HHLA2: variants seen among roughly 807,000 people sequenced by gnomAD.
HHLA2 encodes HHLA2 member of B7 family.
In HHLA2, 48 loss-of-function variants were observed where a neutral mutation model predicts 45.9. The observed-to-expected ratio is 1.05, with a 90% CI of 0.83 to 1.33. The LOEUF (loss-of-function observed/expected upper bound fraction) is 1.33. HHLA2 is among the 40% of genes most tolerant of loss of function. The pLI is 0.00. For missense variants in HHLA2, 462 were observed against 494.3 expected, an observed-to-expected ratio of 0.93 and a Z score of 0.62; for synonymous variants, 161 against 173.9, an observed-to-expected ratio of 0.93 and a Z score of 0.59.
At chr3:108,372,315 A>G (rs1363563783) in intron 8 of HHLA2, among the ~76,000 whole-genome samples, 4 of 151,264 alleles carry the variant, frequency 2.6e-5, no homozygotes, top group African/African-American at 7.3e-5. Flanking sequence ...TCTCTGGGAC[A>G]CATTCAAAGC....
chr3:108,345,943 T>C (rs2081654297), intron 3 of HHLA2, among the ~76,000 whole-genome samples: 1 of 152,190 alleles, frequency 6.6e-6, no homozygotes, highest in East Asian at 1.9e-4. Context: ...TGTGGTTCTG[T>C]GGAGCATGTC....
intron 5 of HHLA2, among the ~76,000 whole-genome samples, 187 bp from the exon 5 acceptor site, chr3:108,354,928 C>G (rs2081856954): frequency 6.6e-6 from 1 of 152,102 alleles, no homozygotes; most frequent in African/African-American, 2.4e-5. Flanking sequence ...TCTAGATAAC[C>G]ACACTATATC....
At chr3:108,298,268 C>T (rs753597508) in intron 1 of HHLA2, among the ~76,000 whole-genome samples, 67 of 152,134 alleles carry the variant, frequency 4.4e-4, no homozygotes, top group Non-Finnish European at 8.1e-4. Flanking sequence ...CCTGACTCTC[C>T]TAGAAAAGAA....
chr3:108,323,222 C>T lies in HHLA2; in HGVS notation c.-104-5048C>T, dbSNP rs569838182. Reference sequence around the variant, plus strand: ...CCTACTATTTGGTAACACAACAGGGCGGCTATAGTCAATAACTTAATTGTA... The same window carrying T: ...CCTACTATTTGGTAACACAACAGGGTGGCTATAGTCAATAACTTAATTGTA... On this transcript the variant is annotated intron_variant, in intron 2 of 10. Transcript: ENST00000619531. 4.6e-5 allele frequency among the ~76,000 whole-genome samples: 7 copies of T among 152,066 alleles called. No homozygotes were observed. In the East Asian group the frequency reaches 7.7e-4, roughly 17 times the overall value.
intron 7 of HHLA2, among the ~76,000 whole-genome samples, chr3:108,362,043 C>T (rs1228355781): frequency 6.6e-6 from 1 of 152,176 alleles, no homozygotes; most frequent in Non-Finnish European, 1.5e-5. Flanking sequence ...AGCTCCCCCA[C>T]CTCCACCAAT....
intron 1 of HHLA2, among the ~76,000 whole-genome samples, chr3:108,300,047 A>G (rs2080824877): frequency 6.6e-6 from 1 of 152,132 alleles, no homozygotes; most frequent in Non-Finnish European, 1.5e-5. Flanking sequence ...GTTCCATCTG[A>G]GGAGGGAAAG....
intron 8 of HHLA2, among the ~76,000 whole-genome samples, chr3:108,368,873 C>T (rs1056735180): frequency 6.6e-5 from 10 of 152,108 alleles, no homozygotes; most frequent in Non-Finnish European, 8.8e-5. Flanking sequence ...CTGGACTAAG[C>T]GGACCTAATG....
intron 2 of HHLA2, among the ~76,000 whole-genome samples, chr3:108,311,309 A>T (rs2081014660): frequency 6.6e-6 from 1 of 152,252 alleles, no homozygotes; most frequent in African/African-American, 2.4e-5. Flanking sequence ...AAATATGCCA[A>T]CTAAATTTGG....
chr3:108,345,996 A>G (rs1374883849), intron 3 of HHLA2, among the ~76,000 whole-genome samples: 2 of 152,102 alleles, frequency 1.3e-5, no homozygotes, highest in Non-Finnish European at 2.9e-5. Context: ...TCTATTTTCC[A>G]TTCTGAATCT....
chr3:108,375,820 G>T lies in HHLA2; in HGVS notation c.1159+20G>T. On this transcript the variant is annotated intron_variant, in intron 9 of 10. Coordinates refer to ENST00000619531, the Ensembl canonical transcript of HHLA2. Reference sequence around the variant, plus strand: ...AACAAGGTCAGCCTCCCATGTCTGAGAGAAGAATGGATTCTGGTTCTGGAG... The same window carrying T: ...AACAAGGTCAGCCTCCCATGTCTGATAGAAGAATGGATTCTGGTTCTGGAG... The T allele has an allele frequency of 6.2e-7, 1 of 1,608,148 alleles. No homozygotes were observed. Among genetic ancestry groups the T allele is most frequent in the Non-Finnish European group, 8.5e-7 (1 of 1,176,504 alleles).
At position 108,330,798 on chromosome 3, in the gene HHLA2, G is replaced by T. The variant is rs536765186; in HGVS notation, c.-27+2451G>T. Among the ~76,000 whole-genome samples the T allele has an allele frequency of 2.6e-5, 4 of 152,312 alleles. No homozygotes were observed. The South Asian group carries it at 8.3e-4, about 32-fold the overall frequency. On this transcript the variant is annotated intron_variant, in intron 3 of 10. Transcript: ENST00000619531. ...CCTGAGTGGAGGACCAAGCTGAGCT[G>T]TGCCAAGATGCCTAACCCACAGAGA...
chr3:108,301,634 C>T (rs573877595), intron 1 of HHLA2, among the ~76,000 whole-genome samples: 138 of 151,508 alleles, frequency 9.1e-4, no homozygotes, highest in African/African-American at 3.3e-3. Flanking sequence ...TGCATTGTTT[C>T]TCTTTCCCTT....
At chr3:108,317,833 A>G (rs993968771) in intron 2 of HHLA2, among the ~76,000 whole-genome samples, 7 of 152,018 alleles carry the variant, frequency 4.6e-5, no homozygotes, top group Admixed American at 2.6e-4. Context: ...TCAGCCTCCC[A>G]AAGTGCTGGA....
At chr3:108,297,578 G>A (rs1315317614) in intron 1 of HHLA2, among the ~76,000 whole-genome samples, 1 of 152,162 alleles carries the variant, frequency 6.6e-6, no homozygotes, top group Non-Finnish European at 1.5e-5. Flanking sequence ...AAAGTGCCTG[G>A]TATGTAGAAA....
At chr3:108,370,144 G>A (rs2082142789) in intron 8 of HHLA2, among the ~76,000 whole-genome samples, 1 of 152,184 alleles carries the variant, frequency 6.6e-6, no homozygotes, top group South Asian at 2.1e-4. Flanking sequence ...AGCAGCATCT[G>A]TAGTTCACAA....
intron 8 of HHLA2, among the ~76,000 whole-genome samples, chr3:108,372,006 A>G (rs1259847157): frequency 6.6e-6 from 1 of 152,230 alleles, no homozygotes; most frequent in African/African-American, 2.4e-5. Flanking sequence ...TCTCCACCCC[A>G]AATCAACAGA....
chr3:108,322,514 A>G (rs533254062), intron 2 of HHLA2, among the ~76,000 whole-genome samples: 43 of 152,240 alleles, frequency 2.8e-4, no homozygotes, highest in African/African-American at 1.0e-3. Flanking sequence ...CTTCTGCCTC[A>G]TATTTGAGCA....
At chr3:108,377,272 A>C in exon 11 of HHLA2, 6 of 1,573,586 alleles carry the variant, frequency 3.8e-6, no homozygotes, top group Non-Finnish European at 5.2e-6. Flanking sequence ...TTTCAGGAAA[A>C]GTATAGGAAA....
intron 6 of HHLA2, among the ~76,000 whole-genome samples, 199 bp from the exon 6 acceptor site, chr3:108,357,645 C>A (rs1032225746): frequency 2.0e-5 from 3 of 152,126 alleles, no homozygotes; most frequent in Non-Finnish European, 4.4e-5. Flanking sequence ...TCTAAACTAA[C>A]CTTGGTGGGA....
Sources: gnomAD v4.1 joint callset for allele counts (sites outside exome capture counted in the v4.1 genomes callset) on GRCh38, gnomAD v4.1.1 for gene constraint, MANE v1.5 for transcripts, NCBI Gene and HGNC (gene_info 2026-07-23, HGNC 2026-07-21) for gene names.